Variants in ZBTB7C observed in about 807,000 individuals in gnomAD.
ZBTB7C encodes the protein zinc finger and BTB domain-containing protein 7C.
A neutral mutation model predicts 25.7 loss-of-function variants in ZBTB7C; 8 were observed. The ratio of observed to expected loss-of-function variants is 0.31; its 90% CI spans 0.18 to 0.56. The LOEUF is 0.56. Among genes scored for constraint, ZBTB7C ranks in the 20% least tolerant of loss-of-function variants. The pLI is 0.91. For missense variants in ZBTB7C, 824 were observed against 855.2 expected (o/e 0.96, Z 0.46); for synonymous variants, 394 against 369.0 (o/e 1.07, Z -0.78).
chr18:48,103,911 T>C (rs919252436), intron 3 of ZBTB7C, among the ~76,000 whole-genome samples: 4 of 152,156 alleles, frequency 2.6e-5, no homozygotes, highest in Non-Finnish European at 5.9e-5. Flanking sequence ...TAAAGTAGAT[T>C]AATCGTTGCC....
At chr18:48,036,224 A>C (rs2035963595) in intron 4 of ZBTB7C, among the ~76,000 whole-genome samples, 1 of 152,196 alleles carries the variant, frequency 6.6e-6, no homozygotes, top group Non-Finnish European at 1.5e-5. Context: ...AGACAATACC[A>C]TTGTGGGGCG....
chr18:48,088,919 G>T (rs544341401), intron 3 of ZBTB7C, among the ~76,000 whole-genome samples: 1 of 152,062 alleles, frequency 6.6e-6, no homozygotes, highest in Non-Finnish European at 1.5e-5. Flanking sequence ...TCCTCAATGC[G>T]AGGCTGCAGA....
At chr18:48,102,346 T>C (rs563691328) in intron 3 of ZBTB7C, among the ~76,000 whole-genome samples, 1 of 152,178 alleles carries the variant, frequency 6.6e-6, no homozygotes, top group South Asian at 2.1e-4. Flanking sequence ...ACAGGATCGC[T>C]TAAGGCCAAG....
chr18:48,089,193 G>T (rs986100179), intron 3 of ZBTB7C, among the ~76,000 whole-genome samples: 3 of 152,136 alleles, frequency 2.0e-5, no homozygotes, highest in African/African-American at 7.2e-5. Flanking sequence ...TTTAGGCCGG[G>T]TGCAGTGGCT....
intron 2 of ZBTB7C, among the ~76,000 whole-genome samples, chr18:48,334,015 G>A (rs1234531467): frequency 6.6e-6 from 1 of 152,122 alleles, no homozygotes; most frequent in African/African-American, 2.4e-5. Flanking sequence ...AGGCCCAGAG[G>A]ACATGGGATT....
intron 3 of ZBTB7C, chr18:48,137,348 G>A (rs907011790): frequency 6.1e-6 from 6 of 984,482 alleles, no homozygotes; most frequent in Non-Finnish European, 7.2e-6. Context: ...TAAAGGCAAG[G>A]GCGGTGGAGG....
chr18:48,318,161 C>T (rs539853929), intron 2 of ZBTB7C, among the ~76,000 whole-genome samples: 1 of 152,112 alleles, frequency 6.6e-6, no homozygotes, highest in Non-Finnish European at 1.5e-5. Flanking sequence ...CTGCTCTCTG[C>T]CACCCCCTAT....
intron 3 of ZBTB7C, among the ~76,000 whole-genome samples, chr18:48,126,044 T>G (rs2039789369): frequency 6.6e-6 from 1 of 152,216 alleles, no homozygotes; most frequent in Admixed American, 6.5e-5. Flanking sequence ...GCCAGGACTA[T>G]GCTTCAGGGA....
chr18:48,104,207 C>T (rs1051143537), intron 3 of ZBTB7C, among the ~76,000 whole-genome samples: 1 of 152,130 alleles, frequency 6.6e-6, no homozygotes, highest in East Asian at 1.9e-4. Context: ...CCCTTATGAA[C>T]GGCTTAGTGC....
intron 3 of ZBTB7C, among the ~76,000 whole-genome samples, chr18:48,110,543 C>T (rs779585402): frequency 4.6e-4 from 70 of 152,210 alleles, no homozygotes; most frequent in Non-Finnish European, 7.5e-4. Context: ...TCGTTGTTGG[C>T]GTCAAATTAT....
intron 2 of ZBTB7C, among the ~76,000 whole-genome samples, chr18:48,199,585 A>G (rs2042390091): frequency 6.6e-6 from 1 of 151,156 alleles, no homozygotes; most frequent in Admixed American, 6.6e-5. Context: ...GCTTGGCTCT[A>G]TTCCTTCGAG....
At chr18:48,297,757 C>T (rs2045435985) in intron 2 of ZBTB7C, among the ~76,000 whole-genome samples, 1 of 152,212 alleles carries the variant, frequency 6.6e-6, no homozygotes, top group Non-Finnish European at 1.5e-5. Flanking sequence ...TGCAGGAAGG[C>T]AGAAACATGA....
intron 3 of ZBTB7C, among the ~76,000 whole-genome samples, chr18:48,091,261 TTTG>T (rs2038404955): frequency 6.8e-6 from 1 of 147,476 alleles, no homozygotes; most frequent in African/African-American, 2.5e-5. Flanking sequence ...TTTTTTTTTT[TTTG>T]GAGAGACAGG....
chr18:48,385,093 T>C (rs968301267), intron 1 of ZBTB7C, among the ~76,000 whole-genome samples: 1 of 152,204 alleles, frequency 6.6e-6, no homozygotes, highest in Admixed American at 6.5e-5. Flanking sequence ...TGATGACTCA[T>C]GGTGCTAGGT....
intron 3 of ZBTB7C, among the ~76,000 whole-genome samples, chr18:48,172,508 T>G (rs752946161): frequency 6.6e-6 from 1 of 152,086 alleles, no homozygotes; most frequent in Admixed American, 6.5e-5. Context: ...TCGGGTGACC[T>G]CCTGGCCTCC....
At chr18:48,091,827 A>G (rs1177058193) in intron 3 of ZBTB7C, among the ~76,000 whole-genome samples, 1 of 152,156 alleles carries the variant, frequency 6.6e-6, no homozygotes, top group Non-Finnish European at 1.5e-5. Context: ...ATCATTGTCC[A>G]ATGATACCTT....
intron 3 of ZBTB7C, among the ~76,000 whole-genome samples, chr18:48,094,042 G>C (rs2038525389): frequency 6.6e-6 from 1 of 152,332 alleles, no homozygotes; most frequent in East Asian, 1.9e-4. Flanking sequence ...CTGGGCGACA[G>C]AGCGAGACTC....
chr18:48,291,973 A>G (rs569429963), intron 2 of ZBTB7C, among the ~76,000 whole-genome samples: 56 of 152,190 alleles, frequency 3.7e-4, no homozygotes, highest in Middle Eastern at 3.4e-3. Context: ...TGAGGCAGGC[A>G]GATCACCTGA....
intron 2 of ZBTB7C, among the ~76,000 whole-genome samples, chr18:48,320,574 A>G (rs1021542463): frequency 7.9e-5 from 12 of 152,204 alleles, no homozygotes; most frequent in Admixed American, 3.9e-4. Context: ...CAAACCCCGG[A>G]TATCATGATG....
Sources: allele counts gnomAD v4.1 joint callset (sites outside exome capture counted in the v4.1 genomes callset), GRCh38; gene constraint gnomAD v4.1.1; transcripts MANE v1.5; gene names NCBI Gene and HGNC (gene_info 2026-07-23, HGNC 2026-07-21).